The following EEF2K variants were observed in gnomAD, a reference collection of about 807,000 sequenced individuals.
The protein encoded by EEF2K is eukaryotic elongation factor 2 kinase, also known as alternative protein EEF2K.
A neutral mutation model predicts 93.8 loss-of-function variants in EEF2K; 70 were observed. That is an observed-to-expected ratio of 0.75 (90% CI 0.62 to 0.91). EEF2K has a LOEUF of 0.91. Among genes scored for constraint, EEF2K ranks in the 40% least tolerant of loss-of-function variants. The probability of loss-of-function intolerance (pLI) is 0.00; values close to 1 mark genes in which losing one functional copy is unlikely to be tolerated. For synonymous variants in EEF2K, 376 were observed against 380.8 expected (o/e 0.99, Z 0.15); for missense variants, 935 against 972.9 (o/e 0.96, Z 0.52).
intron 2 of EEF2K, among the ~76,000 whole-genome samples, chr16:22,232,371 C>T (rs545377964): frequency 6.0e-4 from 92 of 152,100 alleles, no homozygotes; most frequent in Non-Finnish European, 1.1e-3. Context: ...AGACCACAGG[C>T]GTGCACCACC....
chr16:22,239,248 G>A (rs11074507), intron 2 of EEF2K, among the ~76,000 whole-genome samples: 46,610 of 151,956 alleles, frequency 0.31, 8,131 homozygotes, highest in East Asian at 0.86. Context: ...TTGGTGCCAC[G>A]GCATCCAGCC....
intron 2 of EEF2K, among the ~76,000 whole-genome samples, chr16:22,232,579 G>A (rs935027640): frequency 1.3e-5 from 2 of 152,124 alleles, no homozygotes; most frequent in Admixed American, 6.6e-5. Context: ...TCTGCCTTCC[G>A]TGGGGCTCTT....
chr16:22,257,048 C>G (rs1392769046), intron 7 of EEF2K, 151 bp downstream of exon 7: 2 of 1,406,502 alleles, frequency 1.4e-6, no homozygotes, highest in Non-Finnish European at 1.9e-6. Context: ...GACCCGTCAC[C>G]CCATGACAGC....
chr16:22,257,536 G>C (rs2047415434), intron 8 of EEF2K, 107 bp from the exon 9 acceptor site: 1 of 1,550,386 alleles, frequency 6.5e-7, no homozygotes, highest in African/African-American at 1.4e-5. Context: ...ATGCCTCCCA[G>C]CTTGGCACGT....
At position 22,244,599 on chromosome 16, in the gene EEF2K, A is replaced by G. The variant is rs773027044; in HGVS notation, c.247-31A>G. The G allele has an allele frequency of 1.9e-6, 3 of 1,612,150 alleles. No homozygotes were observed. The Admixed American group carries it at 5.0e-5, about 27-fold the overall frequency. ...CCCCAAAGCCCCTGACCTGGGCCTG[A>G]TGTTCCTACCTTCTCCTTTGCCTTC... On this transcript the variant is annotated intron_variant, in intron 2 of 17. Transcript: ENST00000263026.
At chr16:22,259,739 T>C (rs945060419) in intron 10 of EEF2K, among the ~76,000 whole-genome samples, 2 of 151,744 alleles carry the variant, frequency 1.3e-5, no homozygotes, top group Admixed American at 6.6e-5. Context: ...CAGGAGATGG[T>C]TGGTGTTTTT....
At chr16:22,260,927 C>T (rs536217870) in intron 11 of EEF2K, among the ~76,000 whole-genome samples, 2 of 152,280 alleles carry the variant, frequency 1.3e-5, no homozygotes, top group Admixed American at 1.3e-4. Context: ...GCTCTTCACA[C>T]CTAGCTCTCC....
chr16:22,273,598 T>C (rs551385216), intron 15 of EEF2K, 28 bp from the exon 16 acceptor site: 1 of 1,612,304 alleles, frequency 6.2e-7, no homozygotes, highest in African/African-American at 1.3e-5. Context: ...TTCACTCTTC[T>C]TTCTCCCTCT....
chr16:22,210,460 G>C (rs755722182), intron 1 of EEF2K, among the ~76,000 whole-genome samples: 55 of 152,194 alleles, frequency 3.6e-4, no homozygotes, highest in Non-Finnish European at 7.1e-4. Flanking sequence ...AGTGAGGCTT[G>C]AGAATTTGCA....
chr16:22,268,644 T>TTTTTTAA (rs556932004), intron 15 of EEF2K, among the ~76,000 whole-genome samples: 10,516 of 151,568 alleles, frequency 0.069, 1,200 homozygotes, highest in African/African-American at 0.24. Context: ...AGAAGTTTTT[T>TTTTTTAA]TTTTTAATTT....
intron 3 of EEF2K, among the ~76,000 whole-genome samples, chr16:22,247,671 C>T (rs2047309209): frequency 6.6e-6 from 1 of 152,320 alleles, no homozygotes; most frequent in South Asian, 2.1e-4. Flanking sequence ...TGCTTCACGC[C>T]ATCCCTGCTT....
At chr16:22,242,900 G>A (rs989455913) in intron 2 of EEF2K, among the ~76,000 whole-genome samples, 3 of 151,850 alleles carry the variant, frequency 2.0e-5, no homozygotes, top group Admixed American at 6.6e-5. Context: ...ACCAGCCTGG[G>A]CAATATGGTG....
At chr16:22,220,601 G>A (rs145907329) in intron 1 of EEF2K, among the ~76,000 whole-genome samples, 1,718 of 152,204 alleles carry the variant, frequency 0.011, 18 homozygotes, top group South Asian at 0.052. Context: ...ACACCACCAC[G>A]CCCGGCTAAT....
chr16:22,251,201 A>C lies in EEF2K; in HGVS notation c.497A>C (p.Asn166Thr). ...LHAQQWKGAS[N>T]YVAKRYIEPV... ...GCCCAGCAGTGGAAGGGCGCCTCCAACTACGTGGCGAAGCGCTACATCGAG... is the reference window on the plus strand; with the variant it reads ...GCCCAGCAGTGGAAGGGCGCCTCCACCTACGTGGCGAAGCGCTACATCGAG... Residue 166 changes from asparagine (N) to threonine (T), a missense_variant, in exon 6 of 18, where the codon AAC (asparagine) becomes ACC (threonine). Physicochemically the swap from Asn to Thr is moderately conservative, Grantham distance 65. Coordinates refer to ENST00000263026, the MANE Select transcript of EEF2K (RefSeq NM_013302.5). The C allele has an allele frequency of 6.2e-7, 1 of 1,614,102 alleles. No homozygotes were observed. Among genetic ancestry groups the C allele is most frequent in the East Asian group, 2.2e-5 (1 of 44,866 alleles).
chr16:22,215,786 G>T (rs1428401459), intron 1 of EEF2K, among the ~76,000 whole-genome samples: 2 of 152,138 alleles, frequency 1.3e-5, no homozygotes, highest in African/African-American at 4.8e-5. Context: ...TTATCCAGGT[G>T]TGGTGGCGGG....
rs762529883 is a variant in EEF2K at position 22,251,194 on chromosome 16, G to A, written c.490G>A (p.Ala164Thr). The A allele has an allele frequency of 9.1e-5, 147 of 1,614,054 alleles. 1 individual carries two copies. The highest frequency in any genetic ancestry group is 5.9e-4 in the South Asian group (54 of 91,084). The change falls in exon 6 of 18, where the codon GCC (alanine) becomes ACC (threonine). Residue 164 changes from alanine (A) to threonine (T), a missense_variant. Ala to Thr is a moderately conservative substitution (Grantham distance 58). Transcript: ENST00000263026. ...CTTGCATGCCCAGCAGTGGAAGGGC[G>A]CCTCCAACTACGTGGCGAAGCGCTA... Reference protein sequence around the residue: ...NFLHAQQWKGASNYVAKRYIE... With the variant: ...NFLHAQQWKGTSNYVAKRYIE...
chr16:22,266,478 A>G lies in EEF2K; in HGVS notation c.1529A>G (p.Asn510Ser), dbSNP rs774504794. Residue 510 changes from asparagine (N) to serine (S), a missense_variant, in exon 14 of 18, where the codon AAT (asparagine) becomes AGT (serine). By Grantham distance (46) the Asn-to-Ser change is conservative (BLOSUM62 1). Coordinates refer to ENST00000263026, the MANE Select transcript of EEF2K (RefSeq NM_013302.5). ...SAVALEVQRL[N>S]ALDLEKKIGK... ...GTGGCCCTGGAAGTGCAAAGGCTTA[A>G]TGCTCTGGACCTCGAAAAGAAAATC... 1.9e-6 allele frequency: 3 copies of G among 1,614,202 alleles called. No homozygotes were observed. Among genetic ancestry groups the G allele is most frequent in the Non-Finnish European group, 2.5e-6 (3 of 1,180,036 alleles).
At position 22,284,321 on chromosome 16, in the gene EEF2K, C is replaced by T. The variant is rs933846470; in HGVS notation, c.*325C>T. 2 of 278,802 alleles carry T rather than the reference C, an allele frequency of 7.2e-6. No individual in the cohort carries two copies. Among genetic ancestry groups the T allele is most frequent in the African/African-American group, 4.4e-5 (2 of 45,536 alleles). The allele number at this position is 278,802 out of a possible 1,614,324, so 17.3% of individuals were successfully genotyped here. On this transcript the variant is annotated 3_prime_UTR_variant, in exon 18 of 18. Coordinates refer to ENST00000263026, the MANE Select transcript of EEF2K (RefSeq NM_013302.5). ...TTTGAGACAGAGTCTTGCTCTGTCACCCAGGCTGGAGTGCAGTGACATGAT... is the reference window on the plus strand; with the variant it reads ...TTTGAGACAGAGTCTTGCTCTGTCATCCAGGCTGGAGTGCAGTGACATGAT...
At chr16:22,267,208 C>T (rs1437558687) in intron 15 of EEF2K, among the ~76,000 whole-genome samples, 1 of 152,076 alleles carries the variant, frequency 6.6e-6, no homozygotes, top group African/African-American at 2.4e-5. Flanking sequence ...GTTCAGGCTT[C>T]CTGCTCATCA....
Sources: gnomAD v4.1 joint callset for allele counts (sites outside exome capture counted in the v4.1 genomes callset) on GRCh38, gnomAD v4.1.1 for gene constraint, MANE v1.5 for transcripts, NCBI Gene and HGNC (gene_info 2026-07-23, HGNC 2026-07-21) for gene names.